EML5: variants seen among roughly 807,000 people sequenced by gnomAD.
EML5 encodes the protein echinoderm microtubule-associated protein-like 5.
Under a neutral mutation model 250.0 loss-of-function variants are expected in EML5, and 120 were observed. The observed-to-expected ratio is 0.48, with a 90% CI of 0.41 to 0.56. The LOEUF (loss-of-function observed/expected upper bound fraction) is 0.56, where lower values mean the gene tolerates loss of function less well. EML5 is among the 20% of genes least tolerant of loss of function. The probability of loss-of-function intolerance (pLI) is 0.00; values close to 1 mark genes in which losing one functional copy is unlikely to be tolerated. For synonymous variants in EML5, 771 were observed against 806.5 expected, an observed-to-expected ratio of 0.96 and a Z score of 0.75; for missense variants, 2,006 against 2,437.6, an observed-to-expected ratio of 0.82 and a Z score of 3.73.
chr14:88,672,006 A>G (rs2141055000), intron 21 of EML5, among the ~76,000 whole-genome samples: 1 of 152,272 alleles, frequency 6.6e-6, no homozygotes, highest in South Asian at 2.1e-4. Context: ...ACAGAAAATT[A>G]ACAAAGATAT....
rs140813921 is a variant in EML5, at chr14:88,709,843, G to A, written c.1657+2428C>T. Among the ~76,000 whole-genome samples the A allele has an allele frequency of 1.4e-3, 211 of 152,236 alleles. 1 individual carries two copies. Among genetic ancestry groups the A allele is most frequent in the African/African-American group, 4.9e-3 (204 of 41,540 alleles). On this transcript the variant is annotated intron_variant, in intron 10 of 43. Coordinates refer to ENST00000554922, the MANE Select transcript of EML5 (RefSeq NM_183387.3). Reference sequence around the variant, plus strand: ...AATATTTTGCAGCAGTGAAAAAAAGGCATTAAAGCTACACGCAACAATATG... The same window carrying A: ...AATATTTTGCAGCAGTGAAAAAAAGACATTAAAGCTACACGCAACAATATG...
intron 24 of EML5, 148 bp from the exon 25 acceptor site, chr14:88,661,978 G>A: frequency 1.3e-6 from 1 of 771,294 alleles, no homozygotes; most frequent in Non-Finnish European, 2.0e-6. Context: ...TAGTTGTCTT[G>A]GTTTTGTAAC....
intron 1 of EML5, among the ~76,000 whole-genome samples, chr14:88,769,904 A>T (rs1459415060): frequency 1.3e-5 from 2 of 151,866 alleles, no homozygotes; most frequent in Non-Finnish European, 1.5e-5. Context: ...ACACAAAGAC[A>T]GTTCAGAATT....
chr14:88,750,151 T>C (rs933462672), intron 2 of EML5, among the ~76,000 whole-genome samples: 5 of 152,208 alleles, frequency 3.3e-5, no homozygotes, highest in Non-Finnish European at 7.3e-5. Flanking sequence ...GCTTATCAAA[T>C]GGTGGTTTGG....
chr14:88,740,905 G>A (rs1033833792), intron 4 of EML5, among the ~76,000 whole-genome samples: 1 of 152,192 alleles, frequency 6.6e-6, no homozygotes, highest in Admixed American at 6.5e-5. Flanking sequence ...GCTCATGCCT[G>A]TAATCCCAGC....
chr14:88,648,574 C>T (rs1266914161), intron 28 of EML5, among the ~76,000 whole-genome samples: 2 of 152,074 alleles, frequency 1.3e-5, no homozygotes, highest in African/African-American at 4.8e-5. Flanking sequence ...CTAGGCTGAT[C>T]TTTAACTCCT....
intron 37 of EML5, chr14:88,621,760 A>G: frequency 2.9e-6 from 1 of 339,258 alleles, no homozygotes; most frequent in Non-Finnish European, 5.9e-6. Context: ...AAATTTTCAT[A>G]GGAGTTGTAG....
intron 42 of EML5, 99 bp downstream of exon 42, chr14:88,616,627 A>T: frequency 8.0e-7 from 1 of 1,253,164 alleles, no homozygotes; most frequent in Non-Finnish European, 1.1e-6. Context: ...AAAATTTAGA[A>T]ATTAGGACAA....
At chr14:88,659,243 T>C (rs570996025) in intron 25 of EML5, among the ~76,000 whole-genome samples, 187 of 148,358 alleles carry the variant, frequency 1.3e-3, no homozygotes, top group African/African-American at 4.4e-3. Context: ...ACGACTCTCT[T>C]TTTTTTTTTT....
At chr14:88,701,220 A>G (rs1402279106) in intron 14 of EML5, among the ~76,000 whole-genome samples, 3 of 152,166 alleles carry the variant, frequency 2.0e-5, no homozygotes, top group Non-Finnish European at 2.9e-5. Context: ...GCCACAACTC[A>G]GGGAAGTGGG....
At position 88,658,185 on chromosome 14, in the gene EML5, A is replaced by T. The variant is rs2091941963; in HGVS notation, c.3877+2T>A. 6.2e-7 allele frequency: 1 copy of T among 1,613,344 alleles called. No homozygotes were observed. The highest frequency in any genetic ancestry group is 8.5e-7 in the Non-Finnish European group (1 of 1,179,614). ...TTGTTCAAGTATTATAAAATGACGT[A>T]CCCCCATCTTCTTCAGAATCAATGT... On this transcript the variant is annotated splice_donor_variant, in intron 26 of 43. Coordinates refer to ENST00000554922, the MANE Select transcript of EML5 (RefSeq NM_183387.3). LOFTEE classifies it high-confidence loss of function.
rs556526917 is a variant in EML5, at chr14:88,736,249, T to G, written c.1049+115A>C. On this transcript the variant is annotated intron_variant, in intron 7 of 43. Coordinates refer to ENST00000554922, the MANE Select transcript of EML5 (RefSeq NM_183387.3). ...CCCTTGACCTTGTGATCTGCCCGCCTTGGCCTCCCAAAGTGCTGGGATTAC... is the reference window on the plus strand; with the variant it reads ...CCCTTGACCTTGTGATCTGCCCGCCGTGGCCTCCCAAAGTGCTGGGATTAC... The G allele has an allele frequency of 1.8e-4, 206 of 1,158,062 alleles. No homozygotes were observed. The African/African-American group carries it at 2.8e-3, about 16-fold the overall frequency. The allele number at this position is 1,158,062 out of a possible 1,614,324, so 71.7% of individuals were successfully genotyped here.
chr14:88,791,859 G>C (rs555991349), intron 1 of EML5, among the ~76,000 whole-genome samples: 3 of 152,268 alleles, frequency 2.0e-5, no homozygotes, highest in South Asian at 4.1e-4. Flanking sequence ...CCCTGGGCGC[G>C]CTCCCCGGGA....
chr14:88,677,608 A>T (rs999810714), intron 21 of EML5, among the ~76,000 whole-genome samples: 11 of 152,216 alleles, frequency 7.2e-5, no homozygotes, highest in African/African-American at 2.7e-4. Flanking sequence ...AATTCACAAG[A>T]AATAACCCCA....
At chr14:88,722,607 C>T (rs2093607337) in intron 8 of EML5, among the ~76,000 whole-genome samples, 1 of 150,710 alleles carries the variant, frequency 6.6e-6, no homozygotes, top group Non-Finnish European at 1.5e-5. Flanking sequence ...ACACTGAGGC[C>T]TTTGGGGGTG....
chr14:88,664,885 A>G (rs2092260373), intron 22 of EML5, among the ~76,000 whole-genome samples: 1 of 152,182 alleles, frequency 6.6e-6, no homozygotes, highest in African/African-American at 2.4e-5. Context: ...GATACTTTGT[A>G]TTTAACAAAA....
rs116854750 is a variant in EML5 at position 88,780,687 on chromosome 14, T to C, written c.197+11620A>G. On this transcript the variant is annotated intron_variant, in intron 1 of 43. Transcript: ENST00000554922. The stretch of plus-strand genomic sequence containing the variant: ...GCCTCCCAGATTCAGGCAATTCTTG[T>C]GCCTCAGACTCCCAAGTACCTGGGA... Among the ~76,000 whole-genome samples the C allele has an allele frequency of 3.6e-3, 548 of 152,318 alleles. 2 individuals carry two copies. The highest frequency in any genetic ancestry group is 0.034 in the Middle Eastern group (10 of 294).
At chr14:88,786,662 C>T (rs2094554034) in intron 1 of EML5, among the ~76,000 whole-genome samples, 1 of 152,052 alleles carries the variant, frequency 6.6e-6, no homozygotes, top group Admixed American at 6.6e-5. Flanking sequence ...GGGCAGTTTC[C>T]CCCACACTGT....
At chr14:88,713,131 C>T (rs2093431884) in intron 9 of EML5, among the ~76,000 whole-genome samples, 1 of 152,132 alleles carries the variant, frequency 6.6e-6, no homozygotes, top group Non-Finnish European at 1.5e-5. Flanking sequence ...GTGGCTCACA[C>T]CTGTAATCCC....
Sources: allele counts gnomAD v4.1 joint callset (sites outside exome capture counted in the v4.1 genomes callset), GRCh38; gene constraint gnomAD v4.1.1; transcripts MANE v1.5; gene names NCBI Gene and HGNC (gene_info 2026-07-23, HGNC 2026-07-21).